LIMS1: variants seen among roughly 807,000 people sequenced by gnomAD.
LIMS1 encodes LIM zinc finger domain containing 1.
Under a neutral mutation model 44.1 loss-of-function variants are expected in LIMS1, and 18 were observed. The observed-to-expected ratio is 0.41, with a 90% confidence interval of 0.28 to 0.61. The LOEUF (loss-of-function observed/expected upper bound fraction) is 0.61, where lower values mean the gene tolerates loss of function less well. LIMS1 is among the 20% of genes least tolerant of loss of function. LIMS1 has a pLI of 0.32. For missense variants in LIMS1, 201 were observed against 422.0 expected, an observed-to-expected ratio of 0.48 and a Z score of 4.59; for synonymous variants, 93 against 149.1, an observed-to-expected ratio of 0.62 and a Z score of 2.74.
intron 1 of LIMS1, among the ~76,000 whole-genome samples, chr2:108,632,229 C>T (rs565263718): frequency 6.6e-6 from 1 of 152,322 alleles, no homozygotes; most frequent in South Asian, 2.1e-4. Flanking sequence ...CCTTGGCCTC[C>T]CAAAGTGCTG....
intron 1 of LIMS1, among the ~76,000 whole-genome samples, chr2:108,552,298 ACG>A (rs1216760348): frequency 1.5e-5 from 2 of 136,360 alleles, no homozygotes; most frequent in African/African-American, 2.6e-5. Context: ...TATATACTAT[ACG>A]TGTAGTATAT....
At chr2:108,580,930 G>A (rs1035827545) in intron 1 of LIMS1, among the ~76,000 whole-genome samples, 6 of 152,140 alleles carry the variant, frequency 3.9e-5, no homozygotes, top group South Asian at 2.1e-4. Flanking sequence ...TTACTTGTGG[G>A]GTTCCAGCTC....
At chr2:108,585,266 G>C (rs1038823294) in intron 1 of LIMS1, among the ~76,000 whole-genome samples, 3 of 152,060 alleles carry the variant, frequency 2.0e-5, no homozygotes, top group African/African-American at 7.2e-5. Context: ...AGTGATAGCA[G>C]GTTCCTTAGA....
chr2:108,675,436 A>G (rs1692473069), intron 5 of LIMS1, among the ~76,000 whole-genome samples: 1 of 126,702 alleles, frequency 7.9e-6, no homozygotes, highest in East Asian at 9.7e-4. Context: ...TCATGATGTA[A>G]TCACCCCTTA....
chr2:108,596,460 G>T (rs1013113683), intron 1 of LIMS1, among the ~76,000 whole-genome samples: 2 of 152,272 alleles, frequency 1.3e-5, no homozygotes, highest in African/African-American at 4.8e-5. Context: ...AATGTAAAAT[G>T]ATTTACAGAA....
intron 7 of LIMS1, among the ~76,000 whole-genome samples, chr2:108,677,693 G>A (rs1429498153): frequency 2.6e-5 from 4 of 151,952 alleles, no homozygotes; most frequent in South Asian, 2.1e-4. Context: ...CTCCTCTCCC[G>A]TCTATAGGTT....
intron 8 of LIMS1, among the ~76,000 whole-genome samples, chr2:108,679,654 T>C (rs1484998225): frequency 1.3e-5 from 2 of 152,038 alleles, no homozygotes; most frequent in East Asian, 1.9e-4. Flanking sequence ...TGGTGGCTTA[T>C]ACCTGTAATC....
intron 1 of LIMS1, among the ~76,000 whole-genome samples, chr2:108,643,861 G>A (rs543407655): frequency 3.4e-4 from 52 of 152,334 alleles, no homozygotes; most frequent in Middle Eastern, 3.4e-3. Context: ...TAAGGCTTGA[G>A]TAGATGGTTT....
intron 1 of LIMS1, among the ~76,000 whole-genome samples, chr2:108,636,571 C>CAG (rs2148906800): frequency 6.6e-6 from 1 of 152,340 alleles, no homozygotes; most frequent in Admixed American, 6.5e-5. Context: ...CAAAGATTCA[C>CAG]AGAGGTAGCA....
At chr2:108,671,136 A>C in intron 3 of LIMS1, 1 of 423,902 alleles carries the variant, frequency 2.4e-6, no homozygotes. Flanking sequence ...GCACCACTTC[A>C]CTCCAGCCTG....
intron 1 of LIMS1, among the ~76,000 whole-genome samples, chr2:108,557,531 T>G (rs964478285): frequency 4.6e-5 from 7 of 152,112 alleles, no homozygotes; most frequent in African/African-American, 1.2e-4. Context: ...TTTTTTTTTT[T>G]TGAGAGACCT....
chr2:108,542,318 CCTT>C (rs754226979), intron 1 of LIMS1, among the ~76,000 whole-genome samples: 6 of 152,294 alleles, frequency 3.9e-5, no homozygotes, highest in Non-Finnish European at 4.4e-5. Flanking sequence ...GTCATAACCA[CCTT>C]CTCTTAATTA....
chr2:108,539,029 G>GT (rs1684230632), intron 1 of LIMS1, among the ~76,000 whole-genome samples: 1 of 152,146 alleles, frequency 6.6e-6, no homozygotes, highest in Admixed American at 6.5e-5. Flanking sequence ...GTGGTTATTT[G>GT]GGTTCTATTT....
intron 1 of LIMS1, among the ~76,000 whole-genome samples, chr2:108,629,942 C>T (rs1688801778): frequency 6.6e-6 from 1 of 152,158 alleles, no homozygotes; most frequent in East Asian, 1.9e-4. Context: ...CCTGTAATCC[C>T]AGCACTTTGG....
chr2:108,604,765 C>A (rs931989791), intron 1 of LIMS1, among the ~76,000 whole-genome samples: 1 of 152,132 alleles, frequency 6.6e-6, no homozygotes, highest in African/African-American at 2.4e-5. Flanking sequence ...AACAGGGGAC[C>A]AGCAGGAGTA....
chr2:108,572,990 T>C (rs546000500), intron 1 of LIMS1, among the ~76,000 whole-genome samples: 1 of 152,180 alleles, frequency 6.6e-6, no homozygotes, highest in Non-Finnish European at 1.5e-5. Flanking sequence ...TGTATGCTTG[T>C]CGGTGCTTCC....
chr2:108,628,572 A>G (rs989424773), intron 1 of LIMS1, among the ~76,000 whole-genome samples: 2 of 152,202 alleles, frequency 1.3e-5, no homozygotes, highest in Admixed American at 6.5e-5. Flanking sequence ...GGCTCAAGCA[A>G]TTCTCCCACC....
chr2:108,606,121 C>T (rs532216156), intron 1 of LIMS1, among the ~76,000 whole-genome samples: 5 of 152,262 alleles, frequency 3.3e-5, no homozygotes, highest in Non-Finnish European at 7.3e-5. Flanking sequence ...AATTCAGGCA[C>T]ACCAGACAAC....
At chr2:108,660,465 A>G (rs1182445799) in intron 2 of LIMS1, among the ~76,000 whole-genome samples, 1 of 152,018 alleles carries the variant, frequency 6.6e-6, no homozygotes, top group Non-Finnish European at 1.5e-5. Context: ...ACAAAGTCTC[A>G]TTGTATAGCC....
Sources: allele counts gnomAD v4.1 joint callset (sites outside exome capture counted in the v4.1 genomes callset), GRCh38; gene constraint gnomAD v4.1.1; transcripts MANE v1.5; gene names NCBI Gene and HGNC (gene_info 2026-07-23, HGNC 2026-07-21).